The following PTPRT variants were observed in gnomAD, a reference collection of about 807,000 sequenced individuals.
The protein encoded by PTPRT is receptor-type tyrosine-protein phosphatase T.
Under a neutral mutation model 176.8 loss-of-function variants are expected in PTPRT, and 56 were observed. That is an observed-to-expected ratio of 0.32 (90% CI 0.26 to 0.40). PTPRT has a LOEUF of 0.40. Among genes scored for constraint, PTPRT ranks in the 10% least tolerant of loss-of-function variants. PTPRT has a pLI of 1.00. For synonymous variants in PTPRT, 783 were observed against 739.0 expected (o/e 1.06, Z -0.96); for missense variants, 1,540 against 1,908.2 (o/e 0.81, Z 3.60).
chr20:42,465,737 T>C (rs959949121), intron 8 of PTPRT, among the ~76,000 whole-genome samples: 3 of 152,196 alleles, frequency 2.0e-5, no homozygotes, highest in Non-Finnish European at 4.4e-5. Context: ...TTTTGGAATA[T>C]ACGTTTTAAT....
chr20:42,368,284 G>A lies in PTPRT; in HGVS notation c.1561-15999C>T, dbSNP rs73117633. Among the ~76,000 whole-genome samples the A allele has an allele frequency of 2.6e-3, 402 of 152,298 alleles. 2 individuals carry two copies. The highest frequency in any genetic ancestry group is 4.3e-3 in the Non-Finnish European group (290 of 68,030). ...AGGCATCTGAGAAGATGACCACTGC[G>A]TACCCAGCATGGCCATCCCAAGCTA... On this transcript the variant is annotated intron_variant, in intron 9 of 30. Coordinates refer to ENST00000373187, the MANE Select transcript of PTPRT (RefSeq NM_007050.6).
intron 9 of PTPRT, among the ~76,000 whole-genome samples, chr20:42,396,801 GCCCACCTTGGCCC>G (rs552427205): frequency 1.3e-5 from 2 of 152,088 alleles, no homozygotes; most frequent in East Asian, 3.9e-4. Context: ...ATGGTTATCT[GCCCACCTTGGCCC>G]CCCAAAGTGC....
chr20:43,042,319 G>A (rs1023030348), intron 1 of PTPRT, among the ~76,000 whole-genome samples: 3 of 152,156 alleles, frequency 2.0e-5, no homozygotes, highest in African/African-American at 7.2e-5. Flanking sequence ...AATTTAAAAT[G>A]TCTCATCGTC....
chr20:42,590,017 T>C (rs1027472127), intron 7 of PTPRT, among the ~76,000 whole-genome samples: 40 of 152,180 alleles, frequency 2.6e-4, no homozygotes, highest in African/African-American at 8.7e-4. Context: ...CAATGGAGTA[T>C]GGAGAACAGG....
At chr20:42,248,414 C>T (rs553202853) in intron 14 of PTPRT, among the ~76,000 whole-genome samples, 1 of 152,280 alleles carries the variant, frequency 6.6e-6, no homozygotes, top group African/African-American at 2.4e-5. Flanking sequence ...ATTCATGATA[C>T]GTGGAATCCC....
At chr20:42,858,827 C>G (rs1271176746) in intron 2 of PTPRT, among the ~76,000 whole-genome samples, 3 of 152,214 alleles carry the variant, frequency 2.0e-5, no homozygotes, top group Admixed American at 6.5e-5. Flanking sequence ...CTGGGCTAGA[C>G]AGGCCACAGA....
At chr20:42,715,091 C>A (rs1569105897) in intron 6 of PTPRT, among the ~76,000 whole-genome samples, 1 of 152,134 alleles carries the variant, frequency 6.6e-6, no homozygotes, top group Non-Finnish European at 1.5e-5. Flanking sequence ...AAGGCACACA[C>A]ATGAAGATAA....
At chr20:43,073,480 T>TATACAC (rs1555827366) in intron 1 of PTPRT, among the ~76,000 whole-genome samples, 6 of 149,594 alleles carry the variant, frequency 4.0e-5, no homozygotes, top group Admixed American at 1.3e-4. Context: ...TATATATATA[T>TATACAC]ACACACACAC....
intron 2 of PTPRT, among the ~76,000 whole-genome samples, chr20:42,815,510 C>T (rs1369241681): frequency 1.3e-5 from 2 of 152,220 alleles, no homozygotes; most frequent in South Asian, 2.1e-4. Context: ...AACAAGGAAA[C>T]ATTTTTTCTG....
At chr20:42,353,177 T>G (rs532582012) in intron 9 of PTPRT, among the ~76,000 whole-genome samples, 5 of 152,196 alleles carry the variant, frequency 3.3e-5, no homozygotes, top group African/African-American at 4.8e-5. Flanking sequence ...TGCTGGACAC[T>G]GCAGTCATAG....
chr20:42,448,359 G>A (rs779347702), intron 8 of PTPRT, 30 bp from the exon 9 acceptor site: 9 of 1,513,990 alleles, frequency 5.9e-6, no homozygotes, highest in Non-Finnish European at 4.6e-6. Flanking sequence ...TGAACTTGAT[G>A]TCACCTTCCA....
At chr20:42,445,921 C>T (rs1171957290) in intron 9 of PTPRT, among the ~76,000 whole-genome samples, 6 of 152,188 alleles carry the variant, frequency 3.9e-5, no homozygotes, top group Admixed American at 3.9e-4. Context: ...GGAGGTTCTA[C>T]TCAAACACAG....
intron 9 of PTPRT, among the ~76,000 whole-genome samples, chr20:42,381,216 A>G (rs1305630658): frequency 1.3e-5 from 2 of 152,092 alleles, no homozygotes; most frequent in Non-Finnish European, 2.9e-5. Flanking sequence ...TTCAAACCTT[A>G]TTGGGGGCCT....
In PTPRT at chr20:42,300,579, C is replaced by G. The variant is rs538636095; in HGVS notation, c.2139+15144G>C. On this transcript the variant is annotated intron_variant, in intron 12 of 30. Transcript: ENST00000373187. ...AGCATAAAAGTAAATGATGATAGTACTGAAGTATAACCAACTGAATAAAAG... is the reference window on the plus strand; with the variant it reads ...AGCATAAAAGTAAATGATGATAGTAGTGAAGTATAACCAACTGAATAAAAG... 2.0e-5 allele frequency among the ~76,000 whole-genome samples: 3 copies of G among 151,794 alleles called. No individual in the cohort carries two copies. The East Asian group carries it at 5.8e-4, about 29-fold the overall frequency.
chr20:42,150,057 C>T (rs1205627080), intron 17 of PTPRT, among the ~76,000 whole-genome samples: 1 of 152,176 alleles, frequency 6.6e-6, no homozygotes, highest in East Asian at 1.9e-4. Flanking sequence ...AGAATGATCG[C>T]TGATGCCTGT....
At chr20:42,704,173 C>T (rs1441745615) in intron 6 of PTPRT, among the ~76,000 whole-genome samples, 3 of 152,154 alleles carry the variant, frequency 2.0e-5, no homozygotes, top group African/African-American at 7.2e-5. Flanking sequence ...ACTATTATCC[C>T]CTTCTAGATT....
intron 5 of PTPRT, among the ~76,000 whole-genome samples, chr20:42,769,380 A>G (rs190294933): frequency 1.8e-4 from 28 of 152,346 alleles, no homozygotes; most frequent in Admixed American, 1.7e-3. Flanking sequence ...TATGTTCAGT[A>G]TCATCAGTCC....
At position 42,925,485 on chromosome 20, in the gene PTPRT, C is replaced by G. The variant is rs115576180; in HGVS notation, c.89-39553G>C. 8.8e-3 allele frequency among the ~76,000 whole-genome samples: 1,344 copies of G among 152,252 alleles called. 31 individuals are homozygous for G. The highest frequency in any genetic ancestry group is 0.03 in the African/African-American group (1,255 of 41,530). ...TGATAGAAGCTCTAAAACTCAGAGG[C>G]TCTTTTTATATAAAGAGGTATTAGA... On this transcript the variant is annotated intron_variant, in intron 1 of 30. Coordinates refer to ENST00000373187, the MANE Select transcript of PTPRT (RefSeq NM_007050.6).
chr20:42,780,743 A>T (rs1032667105), intron 3 of PTPRT, among the ~76,000 whole-genome samples: 1 of 152,170 alleles, frequency 6.6e-6, no homozygotes, highest in African/African-American at 2.4e-5. Flanking sequence ...CCATGAGTTG[A>T]TTCTACATTG....
Sources: gnomAD v4.1 joint callset for allele counts (sites outside exome capture counted in the v4.1 genomes callset) on GRCh38, gnomAD v4.1.1 for gene constraint, MANE v1.5 for transcripts, NCBI Gene and HGNC (gene_info 2026-07-23, HGNC 2026-07-21) for gene names.